The following SNX19 variants were observed in gnomAD, a reference collection of about 807,000 sequenced individuals.
SNX19 encodes sorting nexin 19, also known as sorting nexin-19.
Under a neutral mutation model 85.2 loss-of-function variants are expected in SNX19, and 60 were observed. The ratio of observed to expected loss-of-function variants is 0.70; its 90% CI spans 0.57 to 0.87. The LOEUF (loss-of-function observed/expected upper bound fraction) is 0.87. Among genes scored for constraint, SNX19 ranks in the 40% least tolerant of loss-of-function variants. SNX19 has a pLI of 0.00. For synonymous variants in SNX19, 520 were observed against 470.0 expected (o/e 1.11, Z -1.38); for missense variants, 1,201 against 1,217.8 (o/e 0.99, Z 0.21).
intron 5 of SNX19, among the ~76,000 whole-genome samples, chr11:130,906,987 T>C (rs887304461): frequency 6.6e-6 from 1 of 152,234 alleles, no homozygotes; most frequent in African/African-American, 2.4e-5. Context: ...TAAGTAAAAC[T>C]GGCATCAGTG....
rs777822421 is a variant in SNX19, at chr11:130,915,925, T to C, written c.15A>G (p.Thr5=). ...CTGGAGTTTCCTGGAACGGTGGCAC[T>C]GTTTCTGTCTTCATGGCTGAACGGA... MKTE[T]VPPFQETPAG... is the part of the protein sequence containing the mutation. Residue 5 remains threonine (T), a synonymous_variant, in exon 1 of 11, where the codon ACA becomes ACG. Transcript: ENST00000265909. 10 of 1,613,772 alleles carry C rather than the reference T, an allele frequency of 6.2e-6. No individual in the cohort carries two copies. The highest frequency in any genetic ancestry group is 8.5e-6 in the Non-Finnish European group (10 of 1,179,752).
chr11:130,889,270 G>A (rs1207624083), intron 8 of SNX19, among the ~76,000 whole-genome samples: 1 of 151,724 alleles, frequency 6.6e-6, no homozygotes, highest in Non-Finnish European at 1.5e-5. Context: ...GAATCTGATC[G>A]CAGTTAACTA....
chr11:130,880,641 G>C lies in SNX19; in HGVS notation c.2739C>G (p.Ser913Arg), dbSNP rs752352105. 3.1e-5 allele frequency: 49 copies of C among 1,599,656 alleles called. No individual in the cohort carries two copies. Among genetic ancestry groups the C allele is most frequent in the Non-Finnish European group, 4.2e-5 (49 of 1,168,694 alleles). ...AATTACCTGGGAGGACTCCCATCAG[G>C]CTCTGCAAAGCCTGTTTCTCAGCAG... ...KLAAEKQALQ[S>R]LMGVLPDLVV... The change falls in exon 9 of 11, where the codon AGC becomes AGG. Residue 913 changes from serine to arginine, a missense_variant. By Grantham distance (110) the Ser-to-Arg change is moderately radical (BLOSUM62 -1). Around this residue, in one of 3 missense-constraint regions of SNX19, gnomAD observed 285 missense variants for 295.3 expected, o/e 0.97. Transcript: ENST00000265909.
intron 8 of SNX19, among the ~76,000 whole-genome samples, chr11:130,884,999 T>TA (rs1414517824): frequency 7.9e-5 from 12 of 152,270 alleles, no homozygotes; most frequent in African/African-American, 2.9e-4. Flanking sequence ...TAGCCTCAGA[T>TA]AGCACTGGTT....
At chr11:130,907,792 G>A (rs1231668926) in intron 5 of SNX19, among the ~76,000 whole-genome samples, 161 bp downstream of exon 5, 1 of 152,170 alleles carries the variant, frequency 6.6e-6, no homozygotes, top group Non-Finnish European at 1.5e-5. Flanking sequence ...GCTCCTCCGG[G>A]TGGAAAACTG....
Position 130,911,631 on chromosome 11 carries a change from A to C in SNX19, c.1813+2T>G. 1 of 1,614,064 alleles carries C rather than the reference A, an allele frequency of 6.2e-7. No individual in the cohort carries two copies. The highest frequency in any genetic ancestry group is 8.5e-7 in the Non-Finnish European group (1 of 1,179,996). Reference sequence around the variant, plus strand: ...GCAGTAGGGGTTGGGGAAACTCCTGACTTTTGATGAACTTTCGTAGATCTG... The same window carrying C: ...GCAGTAGGGGTTGGGGAAACTCCTGCCTTTTGATGAACTTTCGTAGATCTG... On this transcript the variant is annotated splice_donor_variant, in intron 2 of 10. Transcript: ENST00000265909. LOFTEE classifies it high-confidence loss of function.
rs1057479600 is a variant in SNX19, at chr11:130,866,598, G to A, written c.*11824C>T. The A allele has an allele frequency of 6.6e-6, 1 of 152,204 alleles. No homozygotes were observed. The highest frequency in any genetic ancestry group is 2.4e-5 in the African/African-American group (1 of 41,444). 9.4% of individuals were successfully genotyped at this position (152,204 alleles called of 1,614,324 possible). ...GGGCTGTCAGTAATATTAAATAAGA[G>A]TGCTTGATTTATAAATTTTAAAAAC... On this transcript the variant is annotated 3_prime_UTR_variant, in exon 11 of 11. Coordinates refer to ENST00000265909, the MANE Select transcript of SNX19 (RefSeq NM_014758.3).
intron 8 of SNX19, among the ~76,000 whole-genome samples, chr11:130,884,796 C>T (rs1943939042): frequency 6.8e-6 from 1 of 148,028 alleles, no homozygotes; most frequent in South Asian, 2.1e-4. Context: ...CGCTTGAACC[C>T]AGGAGGCAGA....
At chr11:130,887,149 T>TA (rs1337647855) in intron 8 of SNX19, among the ~76,000 whole-genome samples, 1 of 152,244 alleles carries the variant, frequency 6.6e-6, no homozygotes, top group African/African-American at 2.4e-5. Flanking sequence ...TACCACAATA[T>TA]AAGAATCTGA....
In SNX19 at chr11:130,906,672, T is replaced by C; in HGVS notation, c.2215A>G (p.Thr739Ala). 1 of 1,613,416 alleles carries C rather than the reference T, an allele frequency of 6.2e-7. No individual in the cohort carries two copies. The highest frequency in any genetic ancestry group is 1.7e-4 in the Middle Eastern group (1 of 6,056). Residue 739 changes from threonine (T) to alanine (A), a missense_variant, in exon 6 of 11, where the codon ACT (threonine) becomes GCT (alanine). Physicochemically the swap from Thr to Ala is moderately conservative, Grantham distance 58. Around this residue, in one of 3 missense-constraint regions of SNX19, gnomAD observed 125 missense variants for 171.6 expected, o/e 0.73. Transcript: ENST00000265909. ...TAAAGAATCTTGTCTTGTGCTTCAG[T>C]CACACTTAGTGCTGGAGAAATTTTA... ...SSKISPALSV[T>A]EAQDKILYCL...
intron 8 of SNX19, among the ~76,000 whole-genome samples, chr11:130,899,401 C>G (rs1945102512): frequency 6.6e-6 from 1 of 152,152 alleles, no homozygotes; most frequent in Non-Finnish European, 1.5e-5. Context: ...TTCTAGCTTC[C>G]TATCTTAAGG....
At chr11:130,898,799 G>T (rs1026239981) in intron 8 of SNX19, among the ~76,000 whole-genome samples, 1 of 152,214 alleles carries the variant, frequency 6.6e-6, no homozygotes, top group East Asian at 1.9e-4. Context: ...ACTGCCCTTA[G>T]GTTAGCTGCA....
In SNX19 at chr11:130,878,463, C is replaced by G; in HGVS notation, c.2938G>C (p.Asp980His). Residue 980 changes from aspartate (D) to histidine (H), a missense_variant, in exon 11 of 11, where the codon GAT (aspartate) becomes CAT (histidine). Coordinates refer to ENST00000265909, the MANE Select transcript of SNX19 (RefSeq NM_014758.3). The part of the protein sequence containing the change: ...EESAATTSAS[D>H]TPGNSKRMGV... Reference sequence around the variant, plus strand: ...ATCCTCTTAGAGTTGCCTGGGGTATCTGAGGCAGAGGTGGTAGCAGCAGAC... The same window carrying G: ...ATCCTCTTAGAGTTGCCTGGGGTATGTGAGGCAGAGGTGGTAGCAGCAGAC... 1 of 1,613,894 alleles carries G rather than the reference C, an allele frequency of 6.2e-7. No homozygotes were observed. Among genetic ancestry groups the G allele is most frequent in the Non-Finnish European group, 8.5e-7 (1 of 1,179,894 alleles).
At chr11:130,888,762 G>C (rs1944279310) in intron 8 of SNX19, among the ~76,000 whole-genome samples, 1 of 152,190 alleles carries the variant, frequency 6.6e-6, no homozygotes, top group South Asian at 2.1e-4. Flanking sequence ...GGTCTTTAAT[G>C]TTAAATATAA....
Position 130,914,497 on chromosome 11 carries a change from T to C in SNX19, c.1443A>G (p.Ser481=), listed in dbSNP as rs200183131. 6.2e-7 allele frequency: 1 copy of C among 1,613,936 alleles called. No individual in the cohort carries two copies. Among genetic ancestry groups the C allele is most frequent in the Middle Eastern group, 1.7e-4 (1 of 6,056 alleles). ...CATTGGTGAGATCCTTCTCTAAGCA[T>C]GACGGCCGTGAGGGGCAGGTCTTTT... The part of the protein sequence containing the change: ...GPEKTCPSRP[S]CLEKDLTNDV... Residue 481 remains serine (S), a synonymous_variant, in exon 1 of 11, where the codon TCA becomes TCG. Transcript: ENST00000265909.
intron 8 of SNX19, among the ~76,000 whole-genome samples, chr11:130,902,206 A>C (rs1945305514): frequency 6.6e-6 from 1 of 152,184 alleles, no homozygotes; most frequent in South Asian, 2.1e-4. Context: ...TACCTACCTC[A>C]CTTGACCACT....
Position 130,910,139 on chromosome 11 carries a change from T to C in SNX19, c.1915-2A>G, listed in dbSNP as rs1360463379. ...GATCTCCGGAATGGCACAGAGTTGC[T>C]GCAAAAGTAAAACACACACACATTT... On this transcript the variant is annotated splice_acceptor_variant, in intron 3 of 10. Transcript: ENST00000265909. LOFTEE classifies it high-confidence loss of function. 4 of 1,614,152 alleles carry C rather than the reference T, an allele frequency of 2.5e-6. No individual in the cohort carries two copies. Among genetic ancestry groups the C allele is most frequent in the East Asian group, 2.2e-5 (1 of 44,870 alleles).
In SNX19 at chr11:130,869,284, T is replaced by C. The variant is rs1942916268; in HGVS notation, c.*9138A>G. 1 of 152,220 alleles carries C rather than the reference T, an allele frequency of 6.6e-6. No individual in the cohort carries two copies. Among genetic ancestry groups the C allele is most frequent in the African/African-American group, 2.4e-5 (1 of 41,460 alleles). 9.4% of individuals were successfully genotyped at this position (152,220 alleles called of 1,614,324 possible). A position where few individuals can be genotyped will look rare whatever the true frequency, so the allele number is the denominator to read the frequency against. On this transcript the variant is annotated 3_prime_UTR_variant, in exon 11 of 11. Coordinates refer to ENST00000265909, the MANE Select transcript of SNX19 (RefSeq NM_014758.3). ...AAACTCTGTTTAATTACATTTTACG[T>C]TTTAAAAGGAAACTTCTTCATTACA...
rs1255480722 is a variant in SNX19 at position 130,867,193 on chromosome 11, G to A, written c.*11229C>T. On this transcript the variant is annotated 3_prime_UTR_variant, in exon 11 of 11. Transcript: ENST00000265909. ...TTCAGTTTCCTCTTCAGTAAAATGA[G>A]GACATGAGTATTAATAACTTGCCAA... 1 of 152,198 alleles carries A rather than the reference G, an allele frequency of 6.6e-6. No individual in the cohort carries two copies. Among genetic ancestry groups the A allele is most frequent in the Non-Finnish European group, 1.5e-5 (1 of 68,042 alleles). 9.4% of individuals were successfully genotyped at this position (152,198 alleles called of 1,614,324 possible).
Sources: allele counts gnomAD v4.1 joint callset (sites outside exome capture counted in the v4.1 genomes callset), GRCh38; gene constraint gnomAD v4.1.1; regional missense constraint gnomAD v4.1.1; transcripts MANE v1.5; gene names NCBI Gene and HGNC (gene_info 2026-07-23, HGNC 2026-07-21).